Variants in FGF12 observed in about 807,000 individuals in gnomAD.
FGF12 encodes the protein fibroblast growth factor 12.
In FGF12, 14 loss-of-function variants were observed where a neutral mutation model predicts 23.6. That is an observed-to-expected ratio of 0.59 (90% CI 0.39 to 0.93). FGF12 has a LOEUF of 0.93. FGF12 is among the 40% of genes least tolerant of loss of function. The probability of loss-of-function intolerance (pLI) is 0.00; values close to 1 mark genes in which losing one functional copy is unlikely to be tolerated. For synonymous variants in FGF12, 62 were observed against 77.3 expected (o/e 0.80, Z 1.04); for missense variants, 175 against 217.8 (o/e 0.80, Z 1.24).
chr3:192,665,261 C>G (rs1041052109), intron 2 of FGF12, among the ~76,000 whole-genome samples: 5 of 152,012 alleles, frequency 3.3e-5, no homozygotes, highest in Admixed American at 3.3e-4. Flanking sequence ...TGAAAAAAAT[C>G]AACTTCATCA....
At position 192,368,211 on chromosome 3, in the gene FGF12, G is replaced by C. The variant is rs115686992; in HGVS notation, c.14-7673C>G. Among the ~76,000 whole-genome samples, 542 of 152,190 alleles carry C rather than the reference G, an allele frequency of 3.6e-3. 1 individual carries two copies. The highest frequency in any genetic ancestry group is 0.012 in the African/African-American group (501 of 41,536). On this transcript the variant is annotated intron_variant, in intron 2 of 5. Coordinates refer to ENST00000445105, the MANE Select transcript of FGF12 (RefSeq NM_004113.6). ...TATGACTGCTTTAAAACTACTACTT[G>C]ACATCACTGAACATAGATGTGAAGC...
chr3:192,164,642 G>T (rs1191439629), intron 5 of FGF12, among the ~76,000 whole-genome samples: 1 of 151,922 alleles, frequency 6.6e-6, no homozygotes, highest in African/African-American at 2.4e-5. Context: ...AAAACCCAAA[G>T]CCAAAAAAAA....
chr3:192,246,830 A>C lies in FGF12; in HGVS notation c.229-76174T>G, dbSNP rs1308149304. ...ACAAGAGTGAAACTCCGTCAAAAAA[A>C]AAAAAAAAGGAGAGAGAGAGAGGAA... On this transcript the variant is annotated intron_variant, in intron 4 of 5. Transcript: ENST00000445105. 8.0e-4 allele frequency among the ~76,000 whole-genome samples: 121 copies of C among 151,336 alleles called. 1 individual carries two copies. The highest frequency in any genetic ancestry group is 2.9e-3 in the African/African-American group (118 of 41,256).
At chr3:192,617,331 G>A (rs571794472) in intron 2 of FGF12, among the ~76,000 whole-genome samples, 68 of 152,182 alleles carry the variant, frequency 4.5e-4, no homozygotes, top group Admixed American at 1.0e-3. Context: ...AGTGGGGGAG[G>A]TGGGAGGTTG....
intron 2 of FGF12, among the ~76,000 whole-genome samples, chr3:192,542,247 A>G (rs1053803500): frequency 6.6e-6 from 1 of 151,976 alleles, no homozygotes; most frequent in Non-Finnish European, 1.5e-5. Context: ...CCCACTAATT[A>G]TCTCTTCCAC....
At chr3:192,517,493 T>G (rs985209857) in intron 2 of FGF12, among the ~76,000 whole-genome samples, 3 of 152,180 alleles carry the variant, frequency 2.0e-5, no homozygotes, top group African/African-American at 7.2e-5. Context: ...ACTGTATTGT[T>G]TAAATGGCTA....
At chr3:192,465,113 G>A (rs537901552) in intron 2 of FGF12, among the ~76,000 whole-genome samples, 1 of 152,170 alleles carries the variant, frequency 6.6e-6, no homozygotes, top group Non-Finnish European at 1.5e-5. Flanking sequence ...AATTGGGGCA[G>A]ATTAAATCCC....
In FGF12 at chr3:192,714,513, A is replaced by ATTTTTTTTTTTTTTTTTTTTTTTT. The variant is rs770781442; in HGVS notation, c.13+12667_13+12668insAAAAAAAAAAAAAAAAAAAAAAAA. Among the ~76,000 whole-genome samples the ATTTTTTTTTTTTTTTTTTTTTTTT allele has an allele frequency of 1.9e-4, 19 of 99,752 alleles. 1 individual carries two copies. The highest frequency in any genetic ancestry group is 1.3e-3 in the East Asian group (4 of 3,150). 65.4% of individuals were successfully genotyped at this position (99,752 alleles called of 152,430 possible). A position where few individuals can be genotyped will look rare whatever the true frequency, so the allele number is the denominator to read the frequency against. On this transcript the variant is annotated intron_variant, in intron 2 of 5. Transcript: ENST00000445105. Reference sequence around the variant, plus strand: ...CTTATTTATAGATCTTAAGGAAATAATTTTTTTTTTTTTTTTTTTTTTTGA... The same window carrying ATTTTTTTTTTTTTTTTTTTTTTTT: ...CTTATTTATAGATCTTAAGGAAATAATTTTTTTTTTTTTTTTTTTTTTTTTTTTTTTTTTTTTTTTTTTTTTTGA...
intron 4 of FGF12, 68 bp from the exon 5 acceptor site, chr3:192,170,724 A>C (rs998787584): frequency 7.5e-7 from 1 of 1,339,652 alleles, no homozygotes; most frequent in South Asian, 1.3e-5. Flanking sequence ...AAATGCTTAA[A>C]TCCAATAAGC....
intron 4 of FGF12, among the ~76,000 whole-genome samples, chr3:192,228,336 C>T (rs1419597854): frequency 6.6e-6 from 1 of 151,996 alleles, no homozygotes; most frequent in African/African-American, 2.4e-5. Context: ...TGGTAAAAAT[C>T]CAGCTTCCCT....
intron 2 of FGF12, among the ~76,000 whole-genome samples, chr3:192,685,198 C>G (rs1577120306): frequency 6.6e-6 from 1 of 151,898 alleles, no homozygotes; most frequent in Admixed American, 6.6e-5. Context: ...TTACAGGGGC[C>G]CGCCACCACG....
chr3:192,484,027 G>A (rs1209285301), intron 2 of FGF12, among the ~76,000 whole-genome samples: 5 of 152,032 alleles, frequency 3.3e-5, no homozygotes, highest in Non-Finnish European at 7.4e-5. Context: ...GATATTAAAG[G>A]TAAATCCAAG....
intron 5 of FGF12, among the ~76,000 whole-genome samples, chr3:192,163,212 A>G (rs1414651073): frequency 1.3e-5 from 2 of 152,148 alleles, no homozygotes; most frequent in African/African-American, 4.8e-5. Flanking sequence ...AAAATTGCTT[A>G]GCAAATCATT....
chr3:192,584,304 G>A (rs1031271032), intron 2 of FGF12, among the ~76,000 whole-genome samples: 4 of 149,310 alleles, frequency 2.7e-5, no homozygotes, highest in East Asian at 2.0e-4. Context: ...GATCTTCTTC[G>A]GCCTTGTAAA....
intron 4 of FGF12, among the ~76,000 whole-genome samples, chr3:192,219,767 C>T (rs1163754088): frequency 6.6e-6 from 1 of 152,210 alleles, no homozygotes; most frequent in Non-Finnish European, 1.5e-5. Context: ...CTCACACTCA[C>T]ATTTGAGAAC....
At chr3:192,229,953 T>C (rs1356539688) in intron 4 of FGF12, among the ~76,000 whole-genome samples, 2 of 133,464 alleles carry the variant, frequency 1.5e-5, no homozygotes, top group Non-Finnish European at 3.1e-5. Flanking sequence ...AAATGGATGA[T>C]ACATTATGTG....
intron 2 of FGF12, among the ~76,000 whole-genome samples, chr3:192,415,419 C>G (rs899494516): frequency 6.6e-6 from 1 of 152,044 alleles, no homozygotes; most frequent in Non-Finnish European, 1.5e-5. Context: ...TCAAAAAATA[C>G]TCAAATAAAT....
At chr3:192,272,317 C>T (rs1713499374) in intron 4 of FGF12, among the ~76,000 whole-genome samples, 1 of 152,220 alleles carries the variant, frequency 6.6e-6, no homozygotes, top group East Asian at 1.9e-4. Flanking sequence ...AGTTCCATTG[C>T]AGACAAGGAA....
intron 2 of FGF12, among the ~76,000 whole-genome samples, chr3:192,487,422 A>T (rs1340735944): frequency 6.6e-6 from 1 of 152,076 alleles, no homozygotes; most frequent in Non-Finnish European, 1.5e-5. Context: ...TGAAACATCA[A>T]CTTGTCCTAT....
Sources: gnomAD v4.1 joint callset for allele counts (sites outside exome capture counted in the v4.1 genomes callset) on GRCh38, gnomAD v4.1.1 for gene constraint, MANE v1.5 for transcripts, NCBI Gene and HGNC (gene_info 2026-07-23, HGNC 2026-07-21) for gene names.